The following POLE2 variants were observed in gnomAD, a reference collection of about 807,000 sequenced individuals.
POLE2 encodes the protein DNA polymerase epsilon 2, accessory subunit, also known as DNA polymerase epsilon subunit 2.
A neutral mutation model predicts 79.4 loss-of-function variants in POLE2; 56 were observed. The observed-to-expected ratio is 0.71, with a 90% CI of 0.57 to 0.88. POLE2 has a LOEUF of 0.88. Among genes scored for constraint, POLE2 ranks in the 40% least tolerant of loss-of-function variants. The probability of loss-of-function intolerance (pLI) is 0.00; values close to 1 mark genes in which losing one functional copy is unlikely to be tolerated. For synonymous variants in POLE2, 212 were observed against 214.0 expected (o/e 0.99, Z 0.08); for missense variants, 598 against 638.9 (o/e 0.94, Z 0.69).
chr14:49,682,512 C>T (rs1026562389), intron 2 of POLE2, among the ~76,000 whole-genome samples: 1 of 151,204 alleles, frequency 6.6e-6, no homozygotes, highest in African/African-American at 2.4e-5. Context: ...TGGCGCACAC[C>T]TGTAATCCCA....
In POLE2 at chr14:49,654,138, A is replaced by G; in HGVS notation, c.1133+17T>C. ...CAAAATTTTCTACACTGTTGCAAAA[A>G]TCTGAACAAAACTTACCTTGGTAAG... On this transcript the variant is annotated intron_variant, in intron 14 of 18. Transcript: ENST00000216367. 6.2e-7 allele frequency: 1 copy of G among 1,606,822 alleles called. No individual in the cohort carries two copies. The highest frequency in any genetic ancestry group is 8.5e-7 in the Non-Finnish European group (1 of 1,174,960).
intron 6 of POLE2, among the ~76,000 whole-genome samples, chr14:49,666,864 A>C (rs2139654182): frequency 6.6e-6 from 1 of 152,182 alleles, no homozygotes; most frequent in South Asian, 2.1e-4. Context: ...CTTTTTTTCT[A>C]ATCAGAAAGT....
At chr14:49,669,637 A>G (rs2139660535) in intron 5 of POLE2, 39 bp from the exon 6 acceptor site, 1 of 1,025,482 alleles carries the variant, frequency 9.8e-7, no homozygotes, top group Middle Eastern at 2.1e-4. Context: ...CCTGAAACAG[A>G]CATTTAAATA....
intron 15 of POLE2, among the ~76,000 whole-genome samples, chr14:49,652,506 T>C (rs556386998): frequency 2.0e-5 from 3 of 152,228 alleles, no homozygotes; most frequent in African/African-American, 7.2e-5. Flanking sequence ...AAGCTTCATC[T>C]GTATTTACAG....
chr14:49,674,428 C>T lies in POLE2; in HGVS notation c.246-1G>A. 6.3e-7 allele frequency: 1 copy of T among 1,595,616 alleles called. No homozygotes were observed. The highest frequency in any genetic ancestry group is 8.6e-7 in the Non-Finnish European group (1 of 1,164,728). ...TCCTATGATATTGAAAACGTGCTCT[C>T]TGAAAAACATCCCACAAAATACAGA... On this transcript the variant is annotated splice_acceptor_variant, in intron 3 of 18. Transcript: ENST00000216367. LOFTEE classifies it high-confidence loss of function.
intron 5 of POLE2, among the ~76,000 whole-genome samples, chr14:49,670,187 G>A (rs189628020): frequency 2.2e-4 from 34 of 151,888 alleles, no homozygotes; most frequent in African/African-American, 8.0e-4. Context: ...GTGGTGGCAG[G>A]TGCCTGTAAT....
At chr14:49,652,430 C>T (rs184424021) in intron 15 of POLE2, among the ~76,000 whole-genome samples, 5 of 152,034 alleles carry the variant, frequency 3.3e-5, no homozygotes, top group East Asian at 3.9e-4. Flanking sequence ...TGGACTGGTA[C>T]CAGTCCATGG....
intron 3 of POLE2, 114 bp from the exon 4 acceptor site, chr14:49,674,541 AG>A (rs1886122387): frequency 1.4e-6 from 1 of 690,414 alleles, no homozygotes; most frequent in Admixed American, 2.6e-5. Flanking sequence ...ACATTTTCTC[AG>A]GCCAGGCACA....
rs569249571 is a variant in POLE2, at chr14:49,674,567, TTTTC to T, written c.246-144_246-141del. 1.5e-4 allele frequency: 93 copies of T among 622,210 alleles called. No individual in the cohort carries two copies. The African/African-American group carries it at 1.5e-3, about 10-fold the overall frequency. The allele number at this position is 622,210 out of a possible 1,614,324, so 38.5% of individuals were successfully genotyped here. ...GGCCAGGCACACAATTTCTTTTTCT[TTTTC>T]TTTTTCTTTTTTAAGACAGAGTTTC... is the stretch of plus-strand genomic sequence containing the variant. On this transcript the variant is annotated intron_variant, in intron 3 of 18. Coordinates refer to ENST00000216367, the MANE Select transcript of POLE2 (RefSeq NM_002692.4).
chr14:49,677,776 G>C, intron 3 of POLE2: 1 of 940,386 alleles, frequency 1.1e-6, no homozygotes, highest in Non-Finnish European at 1.5e-6. Flanking sequence ...GAGTGTGGCA[G>C]CTCCTGGCCT....
intron 17 of POLE2, among the ~76,000 whole-genome samples, chr14:49,647,893 C>T (rs1236172468): frequency 2.6e-5 from 4 of 152,156 alleles, no homozygotes; most frequent in Non-Finnish European, 5.9e-5. Context: ...TATAAAATAT[C>T]TCCACTTGAA....
intron 10 of POLE2, among the ~76,000 whole-genome samples, chr14:49,656,276 A>AC (rs1265009745): frequency 2.0e-5 from 3 of 148,728 alleles, no homozygotes; most frequent in Non-Finnish European, 4.4e-5. Flanking sequence ...AATGGCGTGA[A>AC]CCCCGGGGGG....
At position 49,644,208 on chromosome 14, in the gene POLE2, A is replaced by G. The variant is rs558793513; in HGVS notation, c.1566-538T>C. The stretch of plus-strand genomic sequence containing the variant: ...ACAACTATATGTCCTTTATAAAGGT[A>G]GACTAATTTTTAAAAAAAGTAGCCG... On this transcript the variant is annotated intron_variant, in intron 18 of 18. Transcript: ENST00000216367. 4.6e-3 allele frequency among the ~76,000 whole-genome samples: 684 copies of G among 149,996 alleles called. 6 individuals carry two copies. The highest frequency in any genetic ancestry group is 0.016 in the African/African-American group (649 of 41,026).
At chr14:49,685,047 T>A (rs1167230959) in intron 1 of POLE2, among the ~76,000 whole-genome samples, 3 of 152,168 alleles carry the variant, frequency 2.0e-5, no homozygotes, top group Non-Finnish European at 4.4e-5. Flanking sequence ...AGAATGAACA[T>A]GATTAACTAG....
In POLE2 at chr14:49,674,105, G is replaced by A. The variant is rs371930634; in HGVS notation, c.417+18C>T. ...CATTTTACCCAGTATCCTCCCCTCC[G>A]CCCCCTACCAAACTTACCTGGTGCA... On this transcript the variant is annotated intron_variant, in intron 5 of 18. Coordinates refer to ENST00000216367, the MANE Select transcript of POLE2 (RefSeq NM_002692.4). The A allele has an allele frequency of 3.4e-5, 48 of 1,403,120 alleles. No homozygotes were observed. Among genetic ancestry groups the A allele is most frequent in the Admixed American group, 2.0e-4 (12 of 59,676 alleles). The allele number at this position is 1,403,120 out of a possible 1,614,324, so 86.9% of individuals were successfully genotyped here.
chr14:49,645,179 TTGTCAAATTGCCCTCCA>T (rs1355239970), intron 18 of POLE2, among the ~76,000 whole-genome samples: 1 of 152,188 alleles, frequency 6.6e-6, no homozygotes, highest in African/African-American at 2.4e-5. Flanking sequence ...TTAATAAATC[TTGTCAAATTGCCCTCCA>T]TAAAGGTTTC....
chr14:49,667,610 C>G (rs1297505570), intron 6 of POLE2, among the ~76,000 whole-genome samples: 1 of 149,568 alleles, frequency 6.7e-6, no homozygotes, highest in African/African-American at 2.5e-5. Flanking sequence ...TGCAGTGGCA[C>G]TCTCATACCT....
chr14:49,683,531 C>T (rs1886889711), intron 2 of POLE2, 62 bp downstream of exon 2: 1 of 749,768 alleles, frequency 1.3e-6, no homozygotes, highest in South Asian at 1.7e-5. Flanking sequence ...TAAATCTATA[C>T]ATCTAACTGA....
At position 49,646,302 on chromosome 14, in the gene POLE2, G is replaced by GTTTTTTTTTTTTTTTT. The variant is rs1162033821; in HGVS notation, c.1565+975_1565+990dup. Among the ~76,000 whole-genome samples, 38 of 84,570 alleles carry GTTTTTTTTTTTTTTTT rather than the reference G, an allele frequency of 4.5e-4. 7 individuals are homozygous for GTTTTTTTTTTTTTTTT. The highest frequency in any genetic ancestry group is 1.6e-3 in the South Asian group (3 of 1,922). The allele number at this position is 84,570 out of a possible 152,430, so 55.5% of individuals were successfully genotyped here. On this transcript the variant is annotated intron_variant, in intron 18 of 18. Coordinates refer to ENST00000216367, the MANE Select transcript of POLE2 (RefSeq NM_002692.4). Reference sequence around the variant, plus strand: ...GATTTGGTCAGTTGTTTTTTTGTTGGTTTTTTTTTTTTTTTTTTTTTTTTT... The same window carrying GTTTTTTTTTTTTTTTT: ...GATTTGGTCAGTTGTTTTTTTGTTGGTTTTTTTTTTTTTTTTTTTTTTTTTTTTTTTTTTTTTTTTT...
Sources: allele counts gnomAD v4.1 joint callset (sites outside exome capture counted in the v4.1 genomes callset), GRCh38; gene constraint gnomAD v4.1.1; transcripts MANE v1.5; gene names NCBI Gene and HGNC (gene_info 2026-07-23, HGNC 2026-07-21).